PDE10A: variants seen among roughly 807,000 people sequenced by gnomAD.
The protein encoded by PDE10A is phosphodiesterase 10A, also known as cAMP and cAMP-inhibited cGMP 3',5'-cyclic phosphodiesterase 10A.
Under a neutral mutation model 97.7 loss-of-function variants are expected in PDE10A, and 39 were observed. The ratio of observed to expected loss-of-function variants is 0.40; its 90% CI spans 0.31 to 0.52. The LOEUF is 0.52. Ranked by LOEUF, PDE10A falls within the 20% of genes least tolerant of loss-of-function variation. PDE10A has a pLI of 0.56. For synonymous variants in PDE10A, 371 were observed against 376.8 expected, an observed-to-expected ratio of 0.98 and a Z score of 0.18; for missense variants, 731 against 1,047.8, an observed-to-expected ratio of 0.70 and a Z score of 4.17.
intron 3 of PDE10A, among the ~76,000 whole-genome samples, chr6:165,470,042 A>G (rs1778896751): frequency 6.6e-6 from 1 of 152,160 alleles, no homozygotes; most frequent in South Asian, 2.1e-4. Context: ...TGTTTAGTCC[A>G]TGTTTGCTGC....
intron 1 of PDE10A, among the ~76,000 whole-genome samples, chr6:165,881,046 C>T (rs1198290028): frequency 1.3e-5 from 2 of 152,138 alleles, no homozygotes; most frequent in Non-Finnish European, 2.9e-5. Flanking sequence ...ACACAAACCA[C>T]GTTTTTGAAC....
intron 1 of PDE10A, among the ~76,000 whole-genome samples, chr6:165,806,064 AAAAAAAG>A (rs1382880146): frequency 6.7e-6 from 1 of 150,064 alleles, no homozygotes; most frequent in South Asian, 2.1e-4. Context: ...AAAAAAAAAA[AAAAAAAG>A]ATCAAACAGC....
chr6:165,381,886 T>C (rs1480333108), intron 17 of PDE10A, among the ~76,000 whole-genome samples: 2 of 152,126 alleles, frequency 1.3e-5, no homozygotes, highest in Non-Finnish European at 2.9e-5. Flanking sequence ...AAACAGTATC[T>C]TCTTTAAACC....
chr6:165,846,047 T>C (rs548157107), intron 1 of PDE10A, among the ~76,000 whole-genome samples: 4 of 152,306 alleles, frequency 2.6e-5, no homozygotes, highest in African/African-American at 9.6e-5. Context: ...TTTAGGGCAG[T>C]TTACAGAATG....
intron 1 of PDE10A, among the ~76,000 whole-genome samples, chr6:165,956,237 C>A (rs550254859): frequency 2.0e-5 from 3 of 152,260 alleles, no homozygotes; most frequent in African/African-American, 7.2e-5. Context: ...GAGCAGGGTA[C>A]CCTATTAGCA....
At chr6:165,549,201 C>A (rs778351796) in intron 1 of PDE10A, among the ~76,000 whole-genome samples, 2 of 152,222 alleles carry the variant, frequency 1.3e-5, no homozygotes, top group Non-Finnish European at 2.9e-5. Flanking sequence ...ATTTCAATTT[C>A]AGGAAAATGG....
chr6:165,490,507 C>T (rs1003037747), intron 2 of PDE10A, among the ~76,000 whole-genome samples: 6 of 152,054 alleles, frequency 3.9e-5, no homozygotes, highest in African/African-American at 1.4e-4. Context: ...TCTCTAAAGC[C>T]TAATCCTCAC....
rs371164847 is a variant in PDE10A at position 165,433,099 on chromosome 6, C to G, written c.1366G>C (p.Glu456Gln). The G allele has an allele frequency of 6.2e-7, 1 of 1,613,350 alleles. No individual in the cohort carries two copies. Among genetic ancestry groups the G allele is most frequent in the African/African-American group, 1.3e-5 (1 of 74,994 alleles). Reference protein sequence around the residue: ...DERFPRGTGLESGTRIQSVLC... With the variant: ...DERFPRGTGLQSGTRIQSVLC... ...ACAGACTGGATACGAGTCCCTGATT[C>G]CAGTCCAGTACCTCTTGGAAATCGT... Residue 456 changes from glutamate to glutamine, a missense_variant, in exon 7 of 22, where the codon GAA becomes CAA. Transcript: ENST00000539869.
intron 1 of PDE10A, among the ~76,000 whole-genome samples, chr6:165,750,609 G>A (rs1365657612): frequency 6.6e-6 from 1 of 152,152 alleles, no homozygotes; most frequent in African/African-American, 2.4e-5. Flanking sequence ...TTTTTAATGG[G>A]GCCCACAGGA....
intron 2 of PDE10A, among the ~76,000 whole-genome samples, chr6:165,484,289 T>C (rs1192833707): frequency 6.6e-6 from 1 of 152,178 alleles, no homozygotes; most frequent in Non-Finnish European, 1.5e-5. Flanking sequence ...TGGGAACACA[T>C]ATGATAGACA....
chr6:165,628,490 A>T (rs1450700828), intron 1 of PDE10A, among the ~76,000 whole-genome samples: 1 of 152,106 alleles, frequency 6.6e-6, no homozygotes, highest in Non-Finnish European at 1.5e-5. Context: ...AGTAGCTGGG[A>T]CTACAGGCAC....
At chr6:165,395,898 T>C (rs1472888375) in intron 14 of PDE10A, among the ~76,000 whole-genome samples, 2 of 152,124 alleles carry the variant, frequency 1.3e-5, no homozygotes, top group African/African-American at 2.4e-5. Flanking sequence ...TATATTAACA[T>C]AGGGTTAAAA....
intron 1 of PDE10A, among the ~76,000 whole-genome samples, chr6:165,588,767 A>G (rs1786075757): frequency 6.6e-6 from 1 of 152,218 alleles, no homozygotes; most frequent in South Asian, 2.1e-4. Context: ...TTCTGGGAGA[A>G]GACAGATGTG....
At chr6:165,422,517 A>G (rs1287900753) in intron 10 of PDE10A, among the ~76,000 whole-genome samples, 1 of 152,190 alleles carries the variant, frequency 6.6e-6, no homozygotes, top group African/African-American at 2.4e-5. Flanking sequence ...AAGTGAAACA[A>G]CACTCTTTAT....
At chr6:165,398,015 T>C (rs1005523869) in intron 13 of PDE10A, among the ~76,000 whole-genome samples, 17 of 152,218 alleles carry the variant, frequency 1.1e-4, no homozygotes, top group African/African-American at 4.1e-4. Context: ...AATAAGTCTT[T>C]GTTCTTACTA....
intron 2 of PDE10A, among the ~76,000 whole-genome samples, chr6:165,505,064 T>C (rs1781111886): frequency 6.6e-6 from 1 of 152,180 alleles, no homozygotes; most frequent in African/African-American, 2.4e-5. Context: ...TGTGAAATTC[T>C]GGGGCCTAAA....
chr6:165,714,628 G>T (rs1791981598), intron 1 of PDE10A, among the ~76,000 whole-genome samples: 1 of 152,240 alleles, frequency 6.6e-6, no homozygotes, highest in Non-Finnish European at 1.5e-5. Context: ...CCACAGGGGT[G>T]TCCCAGGGTT....
chr6:165,987,489 C>G, intron 1 of PDE10A: 1 of 353,102 alleles, frequency 2.8e-6, no homozygotes, highest in Non-Finnish European at 5.6e-6. Context: ...TTTCTGGACT[C>G]TCAAGGGTTA....
rs1301026685 is a variant in PDE10A at position 165,853,405 on chromosome 6, CAAAAATTTATATTTTCTA to C, written c.-615+134106_-615+134123del. Reference sequence around the variant, plus strand: ...ATAGATCATCAAGAAAATCCAGTTTCAAAAATTTATATTTTCTATTAAAACACATCTGCTTTTAGCTAC... The same window carrying C: ...ATAGATCATCAAGAAAATCCAGTTTCTTAAAACACATCTGCTTTTAGCTAC... On this transcript the variant is annotated intron_variant, in intron 1 of 19. Coordinates refer to the PDE10A transcript ENST00000366882. Among the ~76,000 whole-genome samples, 5 of 152,298 alleles carry C rather than the reference CAAAAATTTATATTTTCTA, an allele frequency of 3.3e-5. No individual in the cohort carries two copies. The East Asian group carries it at 9.6e-4, about 29-fold the overall frequency.
Sources: gnomAD v4.1 joint callset for allele counts (sites outside exome capture counted in the v4.1 genomes callset) on GRCh38, gnomAD v4.1.1 for gene constraint, MANE v1.5 for transcripts, NCBI Gene and HGNC (gene_info 2026-07-23, HGNC 2026-07-21) for gene names.